The following LGR6 variants were observed in gnomAD, a reference collection of about 807,000 sequenced individuals.
The protein encoded by LGR6 is leucine rich repeat containing G protein-coupled receptor 6.
In LGR6, 45 loss-of-function variants were observed where a neutral mutation model predicts 69.4. That is an observed-to-expected ratio of 0.65 (90% CI 0.51 to 0.83). The LOEUF (loss-of-function observed/expected upper bound fraction) is 0.83. LGR6 is among the 40% of genes least tolerant of loss of function. The pLI is 0.00. For missense variants in LGR6, 1,108 were observed against 1,246.7 expected, an observed-to-expected ratio of 0.89 and a Z score of 1.68; for synonymous variants, 538 against 555.0, an observed-to-expected ratio of 0.97 and a Z score of 0.43.
Position 202,202,501 on chromosome 1 carries a change from T to C in LGR6, c.212+8300T>C, listed in dbSNP as rs192945781. Among the ~76,000 whole-genome samples the C allele has an allele frequency of 7.2e-5, 11 of 152,320 alleles. No individual in the cohort carries two copies. In the East Asian group the frequency reaches 1.9e-3, roughly 27 times the overall value. On this transcript the variant is annotated intron_variant, in intron 1 of 17. Transcript: ENST00000367278. ...GTGCATGTTTGCAGCCAAGCAGACA[T>C]GGGTTCGAGGCTAAGTTCCAGCTCT...
intron 12 of LGR6, among the ~76,000 whole-genome samples, chr1:202,306,046 G>A (rs1271855414): frequency 6.6e-6 from 1 of 152,160 alleles, no homozygotes; most frequent in African/African-American, 2.4e-5. Context: ...TAGAACCAGT[G>A]GAGGGACAGG....
At chr1:202,304,495 C>A (rs1265271685) in intron 10 of LGR6, 64 bp from the exon 11 acceptor site, 4 of 1,185,118 alleles carry the variant, frequency 3.4e-6, no homozygotes, top group African/African-American at 3.0e-5. Flanking sequence ...AGAGCTGGAG[C>A]GGGGTGGCTG....
chr1:202,216,405 A>G (rs1016892643), intron 1 of LGR6, among the ~76,000 whole-genome samples: 1 of 152,230 alleles, frequency 6.6e-6, no homozygotes, highest in Non-Finnish European at 1.5e-5. Flanking sequence ...CAGAGGCTGT[A>G]CCATTGCTGC....
chr1:202,240,255 TC>T (rs1662067253), intron 4 of LGR6, among the ~76,000 whole-genome samples: 1 of 151,792 alleles, frequency 6.6e-6, no homozygotes, highest in Non-Finnish European at 1.5e-5. Flanking sequence ...GTGCCTGTAA[TC>T]CCAGCTACTT....
intron 1 of LGR6, among the ~76,000 whole-genome samples, chr1:202,207,766 T>A (rs1342987279): frequency 6.6e-6 from 1 of 152,216 alleles, no homozygotes; most frequent in East Asian, 1.9e-4. Flanking sequence ...ATGCCCTTGT[T>A]AAATGAGTTA....
intron 2 of LGR6, 60 bp from the exon 3 acceptor site, chr1:202,227,876 G>C: frequency 8.5e-7 from 1 of 1,171,094 alleles, no homozygotes; most frequent in Non-Finnish European, 1.3e-6. Flanking sequence ...CTTTCTTATG[G>C]AGGTCACCAC....
rs1422864856 is a variant in LGR6, at chr1:202,193,961, C to T, written c.-29C>T. 14 of 1,296,718 alleles carry T rather than the reference C, an allele frequency of 1.1e-5. No individual in the cohort carries two copies. Among genetic ancestry groups the T allele is most frequent in the Non-Finnish European group, 1.3e-5 (13 of 1,020,230 alleles). The allele number at this position is 1,296,718 out of a possible 1,614,324, so 80.3% of individuals were successfully genotyped here. A position where few individuals can be genotyped will look rare whatever the true frequency, so the allele number is the denominator to read the frequency against. On this transcript the variant is annotated 5_prime_UTR_variant, in exon 1 of 18. Coordinates refer to ENST00000367278, the MANE Select transcript of LGR6 (RefSeq NM_001017403.2). ...CGCGCCGTGCGTCCGCGCCCGGCCG[C>T]CAGGTGCCCCAGTAGCCCGACCGCC...
At position 202,318,476 on chromosome 1, in the gene LGR6, G is replaced by C; in HGVS notation, c.2173G>C (p.Gly725Arg). The C allele has an allele frequency of 6.2e-7, 1 of 1,613,696 alleles. No homozygotes were observed. The highest frequency in any genetic ancestry group is 8.5e-7 in the Non-Finnish European group (1 of 1,179,970). The change falls in exon 18 of 18, where the codon GGT becomes CGT. Residue 725 changes from glycine (G) to arginine (R), a missense_variant. Physicochemically the swap from Gly to Arg is moderately radical, Grantham distance 125 (BLOSUM62 -2). Coordinates refer to ENST00000367278, the MANE Select transcript of LGR6 (RefSeq NM_001017403.2). ...PLCLPYAPPE[G>R]QPAALGFTVA... ...CTGCCTGCCCTACGCGCCACCTGAG[G>C]GTCAGCCAGCAGCCCTGGGCTTCAC...
At position 202,318,523 on chromosome 1, in the gene LGR6, C is replaced by T. The variant is rs1235069646; in HGVS notation, c.2220C>T (p.Asn740=). ...LGFTVALVMM[N]SFCFLVVAGA... ...TCACCGTGGCCCTGGTGATGATGAACTCCTTCTGTTTCCTGGTCGTGGCCG... is the reference window on the plus strand; with the variant it reads ...TCACCGTGGCCCTGGTGATGATGAATTCCTTCTGTTTCCTGGTCGTGGCCG... The change falls in exon 18 of 18, where the codon AAC becomes AAT. Residue 740 remains asparagine, a synonymous_variant. Transcript: ENST00000367278. The T allele has an allele frequency of 6.2e-7, 1 of 1,614,128 alleles. No homozygotes were observed. Among genetic ancestry groups the T allele is most frequent in the Non-Finnish European group, 8.5e-7 (1 of 1,180,018 alleles).
At chr1:202,314,353 C>T (rs1653978604) in intron 16 of LGR6, among the ~76,000 whole-genome samples, 1 of 152,188 alleles carries the variant, frequency 6.6e-6, no homozygotes, top group South Asian at 2.1e-4. Context: ...CTAGTTCACT[C>T]GTTCACGTCT....
At chr1:202,292,710 T>C (rs1666882433) in intron 6 of LGR6, among the ~76,000 whole-genome samples, 1 of 152,288 alleles carries the variant, frequency 6.6e-6, no homozygotes, top group Non-Finnish European at 1.5e-5. Context: ...AAGCCAGCAC[T>C]GCCCAGTAGA....
intron 6 of LGR6, among the ~76,000 whole-genome samples, chr1:202,290,670 C>T (rs765413965): frequency 6.6e-5 from 10 of 152,106 alleles, no homozygotes; most frequent in African/African-American, 2.4e-4. Flanking sequence ...GTCAGGAGTT[C>T]AAGACCAGCC....
At chr1:202,204,549 C>T (rs1558003788) in intron 1 of LGR6, among the ~76,000 whole-genome samples, 3 of 150,932 alleles carry the variant, frequency 2.0e-5, no homozygotes, top group South Asian at 2.1e-4. Context: ...TTCAAACACA[C>T]ACACACCTCC....
At chr1:202,287,177 G>A (rs1386981634) in intron 6 of LGR6, among the ~76,000 whole-genome samples, 1 of 152,108 alleles carries the variant, frequency 6.6e-6, no homozygotes, top group African/African-American at 2.4e-5. Flanking sequence ...CTTTTCTTCT[G>A]TTTCTTTATA....
rs546202000 is a variant in LGR6 at position 202,308,601 on chromosome 1, C to A, written c.1281-450C>A. On this transcript the variant is annotated intron_variant, in intron 14 of 17. Coordinates refer to ENST00000367278, the MANE Select transcript of LGR6 (RefSeq NM_001017403.2). Reference sequence around the variant, plus strand: ...CCAGATGACCAGCTCTGTCCAGTCCCAGACTCAGCCCTCTTATATCATCAG... The same window carrying A: ...CCAGATGACCAGCTCTGTCCAGTCCAAGACTCAGCCCTCTTATATCATCAG... 8.5e-4 allele frequency among the ~76,000 whole-genome samples: 130 copies of A among 152,316 alleles called. 2 individuals are homozygous for A. Among genetic ancestry groups the A allele is most frequent in the African/African-American group, 3.0e-3 (125 of 41,578 alleles).
intron 6 of LGR6, among the ~76,000 whole-genome samples, chr1:202,294,200 G>T (rs989808626): frequency 6.6e-6 from 1 of 152,150 alleles, no homozygotes; most frequent in Non-Finnish European, 1.5e-5. Context: ...CTCCTGCTAT[G>T]CGCCAGGATT....
intron 4 of LGR6, among the ~76,000 whole-genome samples, chr1:202,251,427 G>A (rs919345226): frequency 6.6e-6 from 1 of 152,208 alleles, no homozygotes; most frequent in Non-Finnish European, 1.5e-5. Context: ...GGAATGGAGA[G>A]GCAGGAGCTA....
chr1:202,307,493 G>C, intron 14 of LGR6, 92 bp downstream of exon 14: 1 of 1,032,666 alleles, frequency 9.7e-7, no homozygotes, highest in Non-Finnish European at 1.5e-6. Context: ...CCCAGAGCAG[G>C]AACATGCATA....
chr1:202,248,027 A>C (rs1662883214), intron 4 of LGR6, among the ~76,000 whole-genome samples: 1 of 152,132 alleles, frequency 6.6e-6, no homozygotes, highest in African/African-American at 2.4e-5. Flanking sequence ...GTAATTTTCC[A>C]TCTGTTTATG....
Sources: gnomAD v4.1 joint callset for allele counts (sites outside exome capture counted in the v4.1 genomes callset) on GRCh38, gnomAD v4.1.1 for gene constraint, MANE v1.5 for transcripts, NCBI Gene and HGNC (gene_info 2026-07-23, HGNC 2026-07-21) for gene names.